KIF6: variants seen among roughly 807,000 people sequenced by gnomAD.
KIF6 encodes kinesin family member 6.
KIF6 carries 106 observed loss-of-function variants against 112.7 expected under a neutral mutation model. The observed-to-expected ratio is 0.94, with a 90% CI of 0.80 to 1.11. KIF6 has a LOEUF of 1.11. Among genes scored for constraint, KIF6 ranks in the 50% least tolerant of loss-of-function variants. The pLI is 0.00. For missense variants in KIF6, 929 were observed against 964.0 expected, an observed-to-expected ratio of 0.96 and a Z score of 0.48; for synonymous variants, 339 against 339.9, an observed-to-expected ratio of 1.00 and a Z score of 0.03.
chr6:39,675,456 TG>T (rs1352748991), intron 3 of KIF6, among the ~76,000 whole-genome samples: 1 of 152,128 alleles, frequency 6.6e-6, no homozygotes, highest in Non-Finnish European at 1.5e-5. Flanking sequence ...ATATAAAAAG[TG>T]GTTTGAAGAT....
At chr6:39,408,456 A>C (rs1769241883) in intron 15 of KIF6, among the ~76,000 whole-genome samples, 1 of 152,194 alleles carries the variant, frequency 6.6e-6, no homozygotes, top group African/African-American at 2.4e-5. Flanking sequence ...AAAAGGTGAA[A>C]TGTCTGTTAC....
At chr6:39,683,667 G>A (rs1253748140) in intron 3 of KIF6, among the ~76,000 whole-genome samples, 1 of 152,184 alleles carries the variant, frequency 6.6e-6, no homozygotes, top group East Asian at 1.9e-4. Flanking sequence ...TTAGTCCAAG[G>A]TTGGGGCCAT....
Position 39,378,049 on chromosome 6 carries a change from T to TTA in KIF6, c.1861+7572_1861+7573insTA, listed in dbSNP as rs1291529985. The stretch of plus-strand genomic sequence containing the variant: ...CTTTTTTTAATTAATACTATCAGTA[T>TTA]AACTATCTTCTATAACAGTATATGA... On this transcript the variant is annotated intron_variant, in intron 16 of 22. Transcript: ENST00000287152. The surrounding 1 kb of genome is among the most constrained non-coding windows in gnomAD (Gnocchi z 5.0). 6.6e-6 allele frequency among the ~76,000 whole-genome samples: 1 copy of TTA among 152,176 alleles called. No individual in the cohort carries two copies. Among genetic ancestry groups the TTA allele is most frequent in the African/African-American group, 2.4e-5 (1 of 41,422 alleles).
chr6:39,471,675 G>A lies in KIF6; in HGVS notation c.1646-40514C>T, dbSNP rs1202355118. ...CAGCACATCTGAGGACTGGCTCAAGGTAGAAAAGGTCTAGGTAACTCCTAT... is the reference window on the plus strand; with the variant it reads ...CAGCACATCTGAGGACTGGCTCAAGATAGAAAAGGTCTAGGTAACTCCTAT... On this transcript the variant is annotated intron_variant, in intron 13 of 22. Coordinates refer to ENST00000287152, the MANE Select transcript of KIF6 (RefSeq NM_145027.6). Among the ~76,000 whole-genome samples, 7 of 152,140 alleles carry A rather than the reference G, an allele frequency of 4.6e-5. 1 individual carries two copies. Among genetic ancestry groups the A allele is most frequent in the African/African-American group, 1.2e-4 (5 of 41,414 alleles).
In KIF6 at chr6:39,723,759, C is replaced by T. The variant is rs143409919; in HGVS notation, c.66+1486G>A. Among the ~76,000 whole-genome samples, 11 of 152,086 alleles carry T rather than the reference C, an allele frequency of 7.2e-5. No homozygotes were observed. In the East Asian group the frequency reaches 2.1e-3, roughly 29 times the overall value. On this transcript the variant is annotated intron_variant, in intron 1 of 22. Transcript: ENST00000287152. The stretch of plus-strand genomic sequence containing the variant: ...GGGCCTGTCGTGGGGTGGGAGGCTA[C>T]GGGAGGGATAGCATTAGGAGAAATA...
chr6:39,610,954 C>T (rs1027882300), intron 6 of KIF6, among the ~76,000 whole-genome samples: 1 of 152,154 alleles, frequency 6.6e-6, no homozygotes, highest in Non-Finnish European at 1.5e-5. Flanking sequence ...TAGGATTAGC[C>T]TTCTTCAGGT....
intron 5 of KIF6, among the ~76,000 whole-genome samples, chr6:39,619,242 C>A (rs1407818473): frequency 5.3e-5 from 8 of 152,138 alleles, no homozygotes; most frequent in African/African-American, 1.9e-4. Context: ...ACATGAATTT[C>A]TTTTATTTCA....
chr6:39,335,981 T>G lies in KIF6; in HGVS notation c.*551A>C, dbSNP rs1762897704. The stretch of plus-strand genomic sequence containing the variant: ...AAGAGGCTGATGGTGAAAGATGTGG[T>G]CTGGGAGATCAGGATTGGCCTTCAG... On this transcript the variant is annotated 3_prime_UTR_variant, in exon 23 of 23. Coordinates refer to ENST00000287152, the MANE Select transcript of KIF6 (RefSeq NM_145027.6). 6.5e-6 allele frequency: 1 copy of G among 152,732 alleles called. No homozygotes were observed. The highest frequency in any genetic ancestry group is 2.1e-4 in the South Asian group (1 of 4,832). 9.5% of individuals were successfully genotyped at this position (152,732 alleles called of 1,614,324 possible). A position where few individuals can be genotyped will look rare whatever the true frequency, so the allele number is the denominator to read the frequency against.
At chr6:39,439,265 T>A (rs998522209) in intron 13 of KIF6, among the ~76,000 whole-genome samples, 1 of 152,220 alleles carries the variant, frequency 6.6e-6, no homozygotes, top group African/African-American at 2.4e-5. Context: ...CTTTGTTTAG[T>A]CTGTCAGACT....
At chr6:39,422,992 G>A (rs1770484758) in intron 14 of KIF6, among the ~76,000 whole-genome samples, 1 of 152,222 alleles carries the variant, frequency 6.6e-6, no homozygotes, top group Non-Finnish European at 1.5e-5. Flanking sequence ...GGGCAGGAAG[G>A]TTGTGTAACT....
At chr6:39,353,934 C>A in intron 19 of KIF6, 1 of 573,756 alleles carries the variant, frequency 1.7e-6, no homozygotes. Context: ...CATGGGGGTG[C>A]CACTGCTCTG....
chr6:39,564,368 G>A (rs1780169636), intron 10 of KIF6, among the ~76,000 whole-genome samples: 1 of 152,168 alleles, frequency 6.6e-6, no homozygotes, highest in African/African-American at 2.4e-5. Context: ...ATGGGAATGA[G>A]AATAAAGAGT....
chr6:39,595,226 A>C (rs1273122371), intron 7 of KIF6, among the ~76,000 whole-genome samples: 1 of 152,230 alleles, frequency 6.6e-6, no homozygotes, highest in Non-Finnish European at 1.5e-5. Context: ...CTAGCCTGAA[A>C]ACAGGCAAAA....
At chr6:39,592,950 T>C (rs1258023802) in intron 7 of KIF6, among the ~76,000 whole-genome samples, 1 of 152,178 alleles carries the variant, frequency 6.6e-6, no homozygotes, top group Non-Finnish European at 1.5e-5. Context: ...AGTTACCAAA[T>C]GGTTTCCCAT....
At chr6:39,368,474 A>G (rs1198437435) in intron 16 of KIF6, among the ~76,000 whole-genome samples, 22 of 152,240 alleles carry the variant, frequency 1.4e-4, no homozygotes, top group Non-Finnish European at 1.2e-4. Context: ...AGGAAGCCAC[A>G]GGGCAGATTA....
At position 39,391,647 on chromosome 6, in the gene KIF6, C is replaced by T. The variant is rs527287744; in HGVS notation, c.1811-5975G>A. On this transcript the variant is annotated intron_variant, in intron 15 of 22. Coordinates refer to ENST00000287152, the MANE Select transcript of KIF6 (RefSeq NM_145027.6). Reference sequence around the variant, plus strand: ...AAGAGAGTAAGAGAAATAAATAAAACGTGTTTCGTTAAAAATGGGCCTGCC... The same window carrying T: ...AAGAGAGTAAGAGAAATAAATAAAATGTGTTTCGTTAAAAATGGGCCTGCC... Among the ~76,000 whole-genome samples the T allele has an allele frequency of 5.9e-5, 9 of 152,176 alleles. No homozygotes were observed. In the South Asian group the frequency reaches 1.5e-3, roughly 25 times the overall value.
intron 15 of KIF6, among the ~76,000 whole-genome samples, chr6:39,390,962 A>G (rs1767833621): frequency 6.6e-6 from 1 of 152,242 alleles, no homozygotes; most frequent in Admixed American, 6.5e-5. Context: ...ACGGATTCCC[A>G]ACTAACAGGA....
intron 17 of KIF6, 75 bp from the exon 18 acceptor site, chr6:39,360,605 T>C (rs1426902151): frequency 1.9e-6 from 3 of 1,559,634 alleles, no homozygotes; most frequent in Non-Finnish European, 2.6e-6. Context: ...TGTAAATGAA[T>C]GGGGCCCGTG....
chr6:39,461,674 A>G lies in KIF6; in HGVS notation c.1646-30513T>C, dbSNP rs143504890. On this transcript the variant is annotated intron_variant, in intron 13 of 22. Transcript: ENST00000287152. ...ACTCATTTGCATGTTTTATTCTTAC[A>G]GCACATCTTAATTCAGACACTGAAT... Among the ~76,000 whole-genome samples, 72 of 152,324 alleles carry G rather than the reference A, an allele frequency of 4.7e-4. 1 individual carries two copies. The highest frequency in any genetic ancestry group is 1.6e-3 in the African/African-American group (68 of 41,584).
Sources: gnomAD v4.1 joint callset for allele counts (sites outside exome capture counted in the v4.1 genomes callset) on GRCh38, gnomAD v4.1.1 for gene constraint, Gnocchi (gnomAD v3.1) non-coding constraint, MANE v1.5 for transcripts, NCBI Gene and HGNC (gene_info 2026-07-23, HGNC 2026-07-21) for gene names.